Variants in VAMP2 observed in about 807,000 individuals in gnomAD.
The protein encoded by VAMP2 is vesicle-associated membrane protein 2.
For missense variants in VAMP2, 95 were observed against 151.3 expected (o/e 0.63, Z 1.95); for synonymous variants, 67 against 57.3 (o/e 1.17, Z -0.76).
At position 8,162,348 on chromosome 17, in the gene VAMP2, G is replaced by T. The variant is rs528404417; in HGVS notation, c.24C>A (p.Ala8=). MSATAAT[A]PPAAPAGEGG... is the part of the protein sequence containing the mutation. The stretch of plus-strand genomic sequence containing the variant: ...CCTCCCCAGCCGGGGCAGCAGGGGG[G>T]GCCGTGGCAGCGGTAGCAGACCTGA... Residue 8 remains alanine (A), a synonymous_variant, in exon 2 of 5, where the codon GCC becomes GCA. Coordinates refer to ENST00000316509, the MANE Select transcript of VAMP2 (RefSeq NM_014232.3). 29 of 1,607,138 alleles carry T rather than the reference G, an allele frequency of 1.8e-5. No homozygotes were observed. Among genetic ancestry groups the T allele is most frequent in the Admixed American group, 1.5e-4 (9 of 58,622 alleles).
chr17:8,161,170 G>A, intron 4 of VAMP2: 2 of 568,378 alleles, frequency 3.5e-6, no homozygotes, highest in South Asian at 4.5e-5. Context: ...TCAAGCCCCT[G>A]GTCCTTTCCT....
Position 8,162,304 on chromosome 17 carries a change from G to C in VAMP2, c.68C>G (p.Pro23Arg), listed in dbSNP as rs924375009. Residue 23 changes from proline to arginine, a missense_variant, in exon 2 of 5, where the codon CCT becomes CGT. By Grantham distance (103) the Pro-to-Arg change is moderately radical. Transcript: ENST00000316509. ...PAGEGGPPAP[P>R]PNLTSNRRLQ... ...TCTCCTGTTACTGGTGAGGTTTGGA[G>C]GGGGTGCAGGGGGACCACCCTCCCC... 1 of 1,594,996 alleles carries C rather than the reference G, an allele frequency of 6.3e-7. No individual in the cohort carries two copies. Among genetic ancestry groups the C allele is most frequent in the Non-Finnish European group, 8.5e-7 (1 of 1,173,668 alleles).
intron 1 of VAMP2, chr17:8,162,625 A>T: frequency 7.2e-7 from 1 of 1,397,830 alleles, no homozygotes; most frequent in South Asian, 1.6e-5. Context: ...TCGACCCGAA[A>T]AGACAGGCGG....
At chr17:8,161,116 C>A in intron 4 of VAMP2, 1 of 552,966 alleles carries the variant, frequency 1.8e-6, no homozygotes, top group Non-Finnish European at 3.2e-6. Flanking sequence ...CCTCTGAGAC[C>A]GCAAGCTCTC....
chr17:8,160,799 A>G lies in VAMP2; in HGVS notation c.*56T>C. On this transcript the variant is annotated 3_prime_UTR_variant, in exon 5 of 5. Coordinates refer to ENST00000316509, the MANE Select transcript of VAMP2 (RefSeq NM_014232.3). ...AAAGATATGGCTGAGAGGTGGAGGA[A>G]CGGCTGAGGGTTGGGGGAGAGGCCC... is the stretch of plus-strand genomic sequence containing the variant. 6.3e-7 allele frequency: 1 copy of G among 1,575,702 alleles called. No individual in the cohort carries two copies. The highest frequency in any genetic ancestry group is 1.2e-5 in the South Asian group (1 of 86,778).
At chr17:8,161,890 C>A in intron 2 of VAMP2, 124 bp from the exon 3 acceptor site, 2 of 1,428,470 alleles carry the variant, frequency 1.4e-6, no homozygotes. Context: ...GGTTAACATG[C>A]CAAGGACACA....
chr17:8,160,771 C>T lies in VAMP2; in HGVS notation c.*84G>A. 1 of 1,457,932 alleles carries T rather than the reference C, an allele frequency of 6.9e-7. No individual in the cohort carries two copies. The highest frequency in any genetic ancestry group is 9.4e-7 in the Non-Finnish European group (1 of 1,065,474). The allele number at this position is 1,457,932 out of a possible 1,614,324, so 90.3% of individuals were successfully genotyped here. A position where few individuals can be genotyped will look rare whatever the true frequency, so the allele number is the denominator to read the frequency against. ...ACACACGGATCCAGGGGAGTGGGGG[C>T]TGAAAGATATGGCTGAGAGGTGGAG... is the stretch of plus-strand genomic sequence containing the variant. On this transcript the variant is annotated 3_prime_UTR_variant, in exon 5 of 5. Coordinates refer to ENST00000316509, the MANE Select transcript of VAMP2 (RefSeq NM_014232.3).
intron 1 of VAMP2, chr17:8,162,633 C>A: frequency 7.2e-7 from 1 of 1,394,182 alleles, no homozygotes; most frequent in Non-Finnish European, 9.3e-7. Context: ...AAAAGACAGG[C>A]GGCCGCGGTG....
rs753321695 is a variant in VAMP2, at chr17:8,162,330, A to C, written c.42T>G (p.Ala14=). ...GGGGTGCAGGGGGACCACCCTCCCCAGCCGGGGCAGCAGGGGGGGCCGTGG... is the reference window on the plus strand; with the variant it reads ...GGGGTGCAGGGGGACCACCCTCCCCCGCCGGGGCAGCAGGGGGGGCCGTGG... The part of the protein sequence containing the change: ...TAATAPPAAP[A]GEGGPPAPPP... The change falls in exon 2 of 5, where the codon GCT becomes GCG. Residue 14 remains alanine (A), a synonymous_variant. Transcript: ENST00000316509. The C allele has an allele frequency of 6.2e-7, 1 of 1,605,652 alleles. No individual in the cohort carries two copies. The highest frequency in any genetic ancestry group is 8.5e-7 in the Non-Finnish European group (1 of 1,177,052).
intron 4 of VAMP2, 69 bp from the exon 5 acceptor site, chr17:8,160,940 T>A: frequency 7.1e-7 from 1 of 1,414,366 alleles, no homozygotes; most frequent in Non-Finnish European, 9.9e-7. Flanking sequence ...AAGAAAGCAG[T>A]GTGTCAGGCC....
Position 8,162,926 on chromosome 17 carries a change from G to A in VAMP2, c.-47C>T, listed in dbSNP as rs1214854855. ...ACTTGGCAGCGGCAGTGATGGCGGC[G>A]GCGGCTCGCGCTGGCTCCGACTGGC... is the stretch of plus-strand genomic sequence containing the variant. On this transcript the variant is annotated 5_prime_UTR_variant, in exon 1 of 5. Transcript: ENST00000316509. 8.3e-6 allele frequency: 10 copies of A among 1,205,484 alleles called. No homozygotes were observed. The highest frequency in any genetic ancestry group is 6.3e-5 in the African/African-American group (4 of 63,206). 74.7% of individuals were successfully genotyped at this position (1,205,484 alleles called of 1,614,324 possible).
chr17:8,162,322 C>T lies in VAMP2; in HGVS notation c.50G>A (p.Gly17Asp), dbSNP rs955947193. ...GTTTGGAGGGGGTGCAGGGGGACCA[C>T]CCTCCCCAGCCGGGGCAGCAGGGGG... ...TAPPAAPAGE[G>D]GPPAPPPNLT... The change falls in exon 2 of 5, where the codon GGT (glycine) becomes GAT (aspartate). Residue 17 changes from glycine to aspartate, a missense_variant. Coordinates refer to ENST00000316509, the MANE Select transcript of VAMP2 (RefSeq NM_014232.3). 1.2e-6 allele frequency: 2 copies of T among 1,604,600 alleles called. No homozygotes were observed. Among genetic ancestry groups the T allele is most frequent in the African/African-American group, 2.7e-5 (2 of 74,386 alleles).
chr17:8,162,484 A>G, intron 1 of VAMP2, 115 bp from the exon 2 acceptor site: 1 of 1,549,744 alleles, frequency 6.5e-7, no homozygotes, highest in Non-Finnish European at 8.7e-7. Context: ...TTCGGGAGGA[A>G]GGCCACCCGA....
rs1983260313 is a variant in VAMP2, at chr17:8,160,380, G to GTTGTTTTTTTTTT, written c.*474_*475insAAAAAAAAAACAA. 4 of 35,120 alleles carry GTTGTTTTTTTTTT rather than the reference G, an allele frequency of 1.1e-4. No homozygotes were observed. Among genetic ancestry groups the GTTGTTTTTTTTTT allele is most frequent in the Non-Finnish European group, 1.5e-4 (3 of 20,094 alleles). 2.2% of individuals were successfully genotyped at this position (35,120 alleles called of 1,614,324 possible). ...TAAGGAAGCCTGGACAGGTGCTGTT[G>GTTGTTTTTTTTTT]TTTTTTTTTTTTTTTTTTTTTTTTT... On this transcript the variant is annotated 3_prime_UTR_variant, in exon 5 of 5. Coordinates refer to ENST00000316509, the MANE Select transcript of VAMP2 (RefSeq NM_014232.3).
chr17:8,160,739 C>T lies in VAMP2; in HGVS notation c.*116G>A. 3.2e-6 allele frequency: 2 copies of T among 632,706 alleles called. No individual in the cohort carries two copies. Among genetic ancestry groups the T allele is most frequent in the Non-Finnish European group, 2.3e-6 (1 of 427,728 alleles). The allele number at this position is 632,706 out of a possible 1,614,324, so 39.2% of individuals were successfully genotyped here. ...ATTTACAGGGGGACACACACACGGACACACACACACACGGATCCAGGGGAG... is the reference window on the plus strand; with the variant it reads ...ATTTACAGGGGGACACACACACGGATACACACACACACGGATCCAGGGGAG... On this transcript the variant is annotated 3_prime_UTR_variant, in exon 5 of 5. Coordinates refer to ENST00000316509, the MANE Select transcript of VAMP2 (RefSeq NM_014232.3).
Position 8,160,720 on chromosome 17 carries a change from AG to A in VAMP2, c.*134del, listed in dbSNP as rs1983282818. On this transcript the variant is annotated 3_prime_UTR_variant, in exon 5 of 5. Transcript: ENST00000316509. ...GTATAAATAACAGCTGGCTATTTAC[AG>A]GGGGACACACACACGGACACACACA... 2 of 665,676 alleles carry A rather than the reference AG, an allele frequency of 3.0e-6. No homozygotes were observed. Among genetic ancestry groups the A allele is most frequent in the Non-Finnish European group, 2.4e-6 (1 of 419,364 alleles). 41.2% of individuals were successfully genotyped at this position (665,676 alleles called of 1,614,324 possible). A position where few individuals can be genotyped will look rare whatever the true frequency, so the allele number is the denominator to read the frequency against.
intron 1 of VAMP2, 49 bp from the exon 2 acceptor site, chr17:8,162,418 C>G: frequency 6.2e-7 from 1 of 1,601,316 alleles, no homozygotes; most frequent in Non-Finnish European, 8.5e-7. Flanking sequence ...CCTCCCGGCC[C>G]CGCAGCCAGG....
chr17:8,162,911 G>A lies in VAMP2; in HGVS notation c.-32C>T, dbSNP rs1052654268. The A allele has an allele frequency of 5.4e-5, 65 of 1,209,044 alleles. No homozygotes were observed. Among genetic ancestry groups the A allele is most frequent in the Non-Finnish European group, 6.5e-5 (63 of 973,264 alleles). 74.9% of individuals were successfully genotyped at this position (1,209,044 alleles called of 1,614,324 possible). On this transcript the variant is annotated 5_prime_UTR_variant, in exon 1 of 5. Coordinates refer to ENST00000316509, the MANE Select transcript of VAMP2 (RefSeq NM_014232.3). The stretch of plus-strand genomic sequence containing the variant: ...GGCAGCGGGTGGAGGACTTGGCAGC[G>A]GCAGTGATGGCGGCGGCGGCTCGCG...
Position 8,160,818 on chromosome 17 carries a change from G to A in VAMP2, c.*37C>T, listed in dbSNP as rs1411597189. ...GGAGGAACGGCTGAGGGTTGGGGGA[G>A]AGGCCCTTCTCTAGGCAGGGCAGAC... On this transcript the variant is annotated 3_prime_UTR_variant, in exon 5 of 5. Coordinates refer to ENST00000316509, the MANE Select transcript of VAMP2 (RefSeq NM_014232.3). The A allele has an allele frequency of 3.7e-5, 59 of 1,604,456 alleles. No individual in the cohort carries two copies. The highest frequency in any genetic ancestry group is 6.7e-5 in the Admixed American group (4 of 59,494).
Sources: allele counts gnomAD v4.1 joint callset, GRCh38; gene constraint gnomAD v4.1.1; transcripts MANE v1.5; gene names NCBI Gene and HGNC (gene_info 2026-07-23, HGNC 2026-07-21).